TMEM175: variants seen among roughly 807,000 people sequenced by gnomAD.
TMEM175 encodes transmembrane protein 175.
TMEM175 carries 36 observed loss-of-function variants against 36.5 expected under a neutral mutation model. That is an observed-to-expected ratio of 0.99 (90% confidence interval 0.76 to 1.30). The LOEUF (loss-of-function observed/expected upper bound fraction) is 1.30, where lower values mean the gene tolerates loss of function less well. Among genes scored for constraint, TMEM175 ranks in the 50% most tolerant of loss-of-function variants. The pLI, the probability that TMEM175 is intolerant of heterozygous loss-of-function variation, is 0.00. For missense variants in TMEM175, 705 were observed against 692.8 expected (o/e 1.02, Z -0.20); for synonymous variants, 339 against 313.4 (o/e 1.08, Z -0.86).
chr4:938,623 A>G (rs1727083927), intron 1 of TMEM175, among the ~76,000 whole-genome samples: 1 of 152,272 alleles, frequency 6.6e-6, no homozygotes, highest in Non-Finnish European at 1.5e-5. Context: ...TACTAGCAAT[A>G]AATATTGGAA....
At chr4:956,192 G>A (rs1729610888) in intron 10 of TMEM175, 1 of 799,432 alleles carries the variant, frequency 1.3e-6, no homozygotes, top group Non-Finnish European at 1.8e-6. Flanking sequence ...CCTCTCAGAG[G>A]GGCTCAGCAG....
At chr4:954,752 C>T (rs529154584) in intron 8 of TMEM175, among the ~76,000 whole-genome samples, 43 of 152,326 alleles carry the variant, frequency 2.8e-4, no homozygotes, top group Non-Finnish European at 5.1e-4. Context: ...CAGCATTTTA[C>T]ATTCCCACCA....
chr4:941,159 C>G (rs942187826), intron 1 of TMEM175, among the ~76,000 whole-genome samples: 9 of 150,470 alleles, frequency 6.0e-5, no homozygotes, highest in Admixed American at 1.3e-4. Flanking sequence ...GGGCAGATTA[C>G]GAGGTCAGGA....
At chr4:941,244 C>A (rs943795956) in intron 1 of TMEM175, among the ~76,000 whole-genome samples, 13 of 150,054 alleles carry the variant, frequency 8.7e-5, no homozygotes, top group Non-Finnish European at 1.5e-4. Flanking sequence ...GGTGTTATGG[C>A]AGGCACCTGT....
rs1386957735 is a variant in TMEM175 at position 958,292 on chromosome 4, C to G, written c.1311C>G (p.Thr437=). 1 of 1,606,214 alleles carries G rather than the reference C, an allele frequency of 6.2e-7. No homozygotes were observed. Among genetic ancestry groups the G allele is most frequent in the South Asian group, 1.1e-5 (1 of 91,086 alleles). ...CCAGCCTGCTGGCCTTCGCCTCCACCTGCCTGCTGAGCAGGTTCAGTGTGG... is the reference window on the plus strand; with the variant it reads ...CCAGCCTGCTGGCCTTCGCCTCCACGTGCCTGCTGAGCAGGTTCAGTGTGG... ...PCASLLAFAS[T]CLLSRFSVGI... is the part of the protein sequence containing the mutation. Residue 437 remains threonine, a synonymous_variant, in exon 11 of 11, where the codon ACC becomes ACG. Transcript: ENST00000264771.
intron 8 of TMEM175, among the ~76,000 whole-genome samples, chr4:954,833 A>C (rs772082123): frequency 6.6e-6 from 1 of 152,110 alleles, no homozygotes; most frequent in Non-Finnish European, 1.5e-5. Flanking sequence ...TCTCCATCCT[A>C]GTGGATATGA....
chr4:954,573 A>G (rs1019120554), intron 8 of TMEM175, among the ~76,000 whole-genome samples: 5 of 152,278 alleles, frequency 3.3e-5, no homozygotes, highest in South Asian at 4.1e-4. Context: ...CACTGTGGGC[A>G]TTGCTGGAGT....
intron 8 of TMEM175, 30 bp from the exon 9 acceptor site, chr4:955,375 G>A (rs764927436): frequency 2.5e-6 from 4 of 1,592,658 alleles, no homozygotes; most frequent in Non-Finnish European, 3.4e-6. Flanking sequence ...CCCTGTGGAG[G>A]GCACTGACCT....
rs191746421 is a variant in TMEM175 at position 949,170 on chromosome 4, C to T, written c.192+1016C>T. Among the ~76,000 whole-genome samples the T allele has an allele frequency of 1.4e-3, 218 of 152,224 alleles. 3 individuals carry two copies. The highest frequency in any genetic ancestry group is 4.7e-3 in the African/African-American group (197 of 41,556). ...TTGGCTGCCCCTTTCAGAACGGGGT[C>T]GCTGAGGTACGGCCACATCCACCTG... On this transcript the variant is annotated intron_variant, in intron 3 of 10. Coordinates refer to ENST00000264771, the MANE Select transcript of TMEM175 (RefSeq NM_032326.4).
chr4:956,047 T>G (rs1486913529), intron 10 of TMEM175, 157 bp downstream of exon 10: 1 of 953,184 alleles, frequency 1.0e-6, no homozygotes, highest in African/African-American at 2.1e-5. Context: ...AGCCCCCACT[T>G]CAGGGAGGAC....
In TMEM175 at chr4:932,605, C is replaced by T; in HGVS notation, c.-32+65C>T. The T allele has an allele frequency of 2.6e-6, 1 of 384,010 alleles. No individual in the cohort carries two copies. Among genetic ancestry groups the T allele is most frequent in the Admixed American group, 4.6e-5 (1 of 21,844 alleles). 23.8% of individuals were successfully genotyped at this position (384,010 alleles called of 1,614,324 possible). A position where few individuals can be genotyped will look rare whatever the true frequency, so the allele number is the denominator to read the frequency against. The stretch of plus-strand genomic sequence containing the variant: ...CACATGGTCTGTTTTGTGGGAGGCT[C>T]CTTCTCAGGTGTCTCCGGTTTAAGC... On this transcript the variant is annotated intron_variant, in intron 1 of 10. Coordinates refer to ENST00000264771, the MANE Select transcript of TMEM175 (RefSeq NM_032326.4). The surrounding 1 kb of genome is among the most constrained non-coding windows in gnomAD (Gnocchi z 4.0).
intron 1 of TMEM175, among the ~76,000 whole-genome samples, chr4:940,114 CTA>C (rs1161827137): frequency 1.3e-5 from 2 of 152,138 alleles, no homozygotes; most frequent in Non-Finnish European, 2.9e-5. Context: ...ATGATTCTAA[CTA>C]TAGAACATTC....
intron 1 of TMEM175, among the ~76,000 whole-genome samples, chr4:941,226 A>G (rs1727441200): frequency 6.7e-6 from 1 of 149,798 alleles, no homozygotes; most frequent in Non-Finnish European, 1.5e-5. Context: ...AAATACAAAA[A>G]TTAGCTGGGT....
chr4:957,875 C>A lies in TMEM175; in HGVS notation c.894C>A (p.Ser298Arg), dbSNP rs1162641543. 1 of 1,612,640 alleles carries A rather than the reference C, an allele frequency of 6.2e-7. No individual in the cohort carries two copies. The highest frequency in any genetic ancestry group is 1.3e-5 in the African/African-American group (1 of 75,064). ...ATGTGAAGGAGAGGTTCAGCGGCAG[C>A]CTCGTGGCCGCCCTGAGTGCGACCG... ...PKDVKERFSGSLVAALSATGP... is the reference protein window; with the variant it reads ...PKDVKERFSGRLVAALSATGP... The change falls in exon 11 of 11, where the codon AGC (serine) becomes AGA (arginine). Residue 298 changes from serine (S) to arginine (R), a missense_variant. Physicochemically the swap from Ser to Arg is moderately radical, Grantham distance 110. Coordinates refer to ENST00000264771, the MANE Select transcript of TMEM175 (RefSeq NM_032326.4).
At chr4:949,595 T>A (rs1728605478) in intron 3 of TMEM175, among the ~76,000 whole-genome samples, 1 of 152,196 alleles carries the variant, frequency 6.6e-6, no homozygotes, top group Non-Finnish European at 1.5e-5. Flanking sequence ...AAGAAGTGAC[T>A]GAAACACTAA....
At chr4:946,949 CG>C (rs1239490886) in intron 1 of TMEM175, among the ~76,000 whole-genome samples, 1 of 135,616 alleles carries the variant, frequency 7.4e-6, no homozygotes, top group Non-Finnish European at 1.6e-5. Context: ...AGGGAGAGCA[CG>C]GCCCCTGTAG....
intron 4 of TMEM175, among the ~76,000 whole-genome samples, chr4:950,800 TG>T (rs1240992618): frequency 1.4e-5 from 2 of 145,926 alleles, no homozygotes; most frequent in African/African-American, 5.2e-5. Context: ...GTGTGGATGG[TG>T]TGGATGGTGC....
At chr4:938,699 A>G (rs1727089464) in intron 1 of TMEM175, among the ~76,000 whole-genome samples, 1 of 152,210 alleles carries the variant, frequency 6.6e-6, no homozygotes, top group South Asian at 2.1e-4. Context: ...ATGTGAAAAA[A>G]GATGTGCAAG....
At chr4:950,324 TG>T in intron 3 of TMEM175, 96 bp from the exon 4 acceptor site, 1 of 1,031,800 alleles carries the variant, frequency 9.7e-7, no homozygotes, top group Non-Finnish European at 1.5e-6. Flanking sequence ...CGCCCTGCCC[TG>T]GGCCGAGGCC....
Sources: allele counts gnomAD v4.1 joint callset (sites outside exome capture counted in the v4.1 genomes callset), GRCh38; gene constraint gnomAD v4.1.1; non-coding constraint Gnocchi (gnomAD v3.1); transcripts MANE v1.5; gene names NCBI Gene and HGNC (gene_info 2026-07-23, HGNC 2026-07-21).